Variants in FRMD5 observed in about 807,000 individuals in gnomAD.
The protein encoded by FRMD5 is FERM domain-containing protein 5.
A neutral mutation model predicts 69.0 loss-of-function variants in FRMD5; 20 were observed. The ratio of observed to expected loss-of-function variants is 0.29; its 90% CI spans 0.20 to 0.42. The LOEUF (loss-of-function observed/expected upper bound fraction) is 0.42. Among genes scored for constraint, FRMD5 ranks in the 10% least tolerant of loss-of-function variants. The pLI is 1.00. For synonymous variants in FRMD5, 271 were observed against 260.1 expected (o/e 1.04, Z -0.40); for missense variants, 595 against 708.6 (o/e 0.84, Z 1.82).
chr15:43,875,766 A>G, intron 13 of FRMD5: 1 of 576,902 alleles, frequency 1.7e-6, no homozygotes, highest in Non-Finnish European at 3.0e-6. Flanking sequence ...TAATTTGTTA[A>G]AGATTCTGCC....
intron 1 of FRMD5, among the ~76,000 whole-genome samples, chr15:44,095,206 C>CT (rs112078242): frequency 2.3e-3 from 331 of 142,880 alleles, no homozygotes; most frequent in South Asian, 0.013. Flanking sequence ...CAATTTCTTT[C>CT]TTTTTTTTTT....
intron 1 of FRMD5, among the ~76,000 whole-genome samples, chr15:44,073,792 C>T (rs1361593431): frequency 6.6e-6 from 1 of 152,232 alleles, no homozygotes; most frequent in Non-Finnish European, 1.5e-5. Flanking sequence ...TCTATGACAC[C>T]TATTCATATG....
At chr15:44,165,431 AT>A (rs2077693673) in intron 1 of FRMD5, among the ~76,000 whole-genome samples, 1 of 152,132 alleles carries the variant, frequency 6.6e-6, no homozygotes, top group Non-Finnish European at 1.5e-5. Context: ...CAATCAATCA[AT>A]CAATCAATCA....
chr15:43,925,328 G>C (rs1335655562), intron 1 of FRMD5, among the ~76,000 whole-genome samples: 1 of 152,120 alleles, frequency 6.6e-6, no homozygotes, highest in African/African-American at 2.4e-5. Flanking sequence ...TTTATGTGAT[G>C]TTTTATACAC....
intron 2 of FRMD5, among the ~76,000 whole-genome samples, chr15:43,921,043 G>A (rs1249329353): frequency 6.6e-6 from 1 of 152,178 alleles, no homozygotes; most frequent in Non-Finnish European, 1.5e-5. Flanking sequence ...GCTGATCTGA[G>A]TTCCCACGAG....
At chr15:43,931,162 G>T (rs2089667853) in intron 1 of FRMD5, among the ~76,000 whole-genome samples, 1 of 152,214 alleles carries the variant, frequency 6.6e-6, no homozygotes, top group African/African-American at 2.4e-5. Context: ...TATCTTTGGA[G>T]AAGCCACTTT....
intron 1 of FRMD5, among the ~76,000 whole-genome samples, chr15:43,987,968 G>C (rs1056506602): frequency 5.9e-5 from 9 of 152,148 alleles, no homozygotes; most frequent in African/African-American, 1.9e-4. Flanking sequence ...GGGGTCATGG[G>C]AGACAGTGAC....
chr15:44,102,847 G>A (rs1251947397), intron 1 of FRMD5, among the ~76,000 whole-genome samples: 2 of 152,218 alleles, frequency 1.3e-5, no homozygotes, highest in South Asian at 4.1e-4. Flanking sequence ...CACTGTGTGT[G>A]CCTGAATGAG....
chr15:44,036,760 A>G (rs1477116141), intron 1 of FRMD5, among the ~76,000 whole-genome samples: 5 of 152,176 alleles, frequency 3.3e-5, no homozygotes, highest in Non-Finnish European at 5.9e-5. Flanking sequence ...TCTAATCCTT[A>G]TACTTTTTTG....
chr15:44,019,807 A>C (rs1415509532), intron 1 of FRMD5, among the ~76,000 whole-genome samples: 2 of 151,514 alleles, frequency 1.3e-5, no homozygotes, highest in Admixed American at 1.3e-4. Context: ...AAAAAGAACA[A>C]GCACTAAAAT....
chr15:44,092,108 T>C (rs768030362), intron 1 of FRMD5, among the ~76,000 whole-genome samples: 7 of 152,276 alleles, frequency 4.6e-5, no homozygotes, highest in Non-Finnish European at 8.8e-5. Flanking sequence ...TGTAGGTTTC[T>C]TTCTTTTGGT....
chr15:44,146,637 C>T (rs1423149847), intron 1 of FRMD5, among the ~76,000 whole-genome samples: 4 of 152,218 alleles, frequency 2.6e-5, no homozygotes, highest in African/African-American at 9.6e-5. Flanking sequence ...TCCTATTTCT[C>T]CATAGCCTTG....
chr15:43,919,399 T>A (rs560683215), intron 4 of FRMD5, 60 bp downstream of exon 4: 2 of 1,435,994 alleles, frequency 1.4e-6, no homozygotes, highest in African/African-American at 2.8e-5. Flanking sequence ...GAGGTCACCA[T>A]CCCCCTTTCC....
At chr15:44,159,886 G>A (rs2077586284) in intron 1 of FRMD5, among the ~76,000 whole-genome samples, 1 of 152,150 alleles carries the variant, frequency 6.6e-6, no homozygotes, top group Non-Finnish European at 1.5e-5. Context: ...GACAATCAGG[G>A]GCTATGACAG....
At chr15:44,179,718 G>A (rs187970854) in intron 1 of FRMD5, among the ~76,000 whole-genome samples, 64 of 152,306 alleles carry the variant, frequency 4.2e-4, no homozygotes, top group Non-Finnish European at 7.4e-4. Context: ...TGTGCTAAAA[G>A]GGGCTGGCGG....
At chr15:43,915,329 C>G (rs1446632991) in intron 4 of FRMD5, among the ~76,000 whole-genome samples, 31 of 152,204 alleles carry the variant, frequency 2.0e-4, no homozygotes, top group Non-Finnish European at 7.3e-5. Context: ...AAAATACTTA[C>G]TATTTGGCCC....
chr15:44,139,568 C>T (rs1365339802), intron 1 of FRMD5, among the ~76,000 whole-genome samples: 3 of 150,944 alleles, frequency 2.0e-5, no homozygotes, highest in African/African-American at 7.3e-5. Flanking sequence ...CAAAATAGAA[C>T]TTAAGATAAA....
At chr15:44,031,678 A>C (rs916749761) in intron 1 of FRMD5, among the ~76,000 whole-genome samples, 8 of 152,144 alleles carry the variant, frequency 5.3e-5, no homozygotes, top group African/African-American at 1.7e-4. Context: ...GCAGGGTACA[A>C]ACATGTTCAG....
chr15:43,996,299 C>T (rs894257831), intron 1 of FRMD5, among the ~76,000 whole-genome samples: 1 of 152,134 alleles, frequency 6.6e-6, no homozygotes, highest in African/African-American at 2.4e-5. Flanking sequence ...ATGGGGCCTA[C>T]CCAGTGATGG....
Sources: allele counts gnomAD v4.1 joint callset (sites outside exome capture counted in the v4.1 genomes callset), GRCh38; gene constraint gnomAD v4.1.1; transcripts MANE v1.5; gene names NCBI Gene and HGNC (gene_info 2026-07-23, HGNC 2026-07-21).